Variants in USP43 observed in about 807,000 individuals in gnomAD.
The protein encoded by USP43 is ubiquitin carboxyl-terminal hydrolase 43.
A neutral mutation model predicts 90.7 loss-of-function variants in USP43; 33 were observed. The ratio of observed to expected loss-of-function variants is 0.36; its 90% CI spans 0.28 to 0.49. USP43 has a LOEUF of 0.49. Ranked by LOEUF, USP43 falls within the 20% of genes least tolerant of loss-of-function variation. The pLI is 0.98. For missense variants in USP43, 1,274 were observed against 1,476.4 expected, an observed-to-expected ratio of 0.86 and a Z score of 2.25; for synonymous variants, 598 against 615.8, an observed-to-expected ratio of 0.97 and a Z score of 0.43.
intron 10 of USP43, among the ~76,000 whole-genome samples, chr17:9,700,544 C>T (rs1915511004): frequency 1.3e-5 from 2 of 152,188 alleles, no homozygotes; most frequent in Non-Finnish European, 2.9e-5. Context: ...AGTCACTGCT[C>T]TGCACACTTC....
At chr17:9,708,936 T>G (rs896778926) in intron 12 of USP43, among the ~76,000 whole-genome samples, 1 of 152,040 alleles carries the variant, frequency 6.6e-6, no homozygotes, top group Admixed American at 6.6e-5. Flanking sequence ...CTGTTTTTTT[T>G]CCCCCGTTTA....
Position 9,701,750 on chromosome 17 carries a change from A to C in USP43, c.2011+50A>C, listed in dbSNP as rs1328831186. ...AAATGCAGCTGTGGCCACAGCCTCG[A>C]GATGTCCCTGGAATGGGTGTTGCTC... is the stretch of plus-strand genomic sequence containing the variant. On this transcript the variant is annotated intron_variant, in intron 12 of 14. Transcript: ENST00000285199. The surrounding 1 kb of genome is among the most constrained non-coding windows in gnomAD (Gnocchi z 7.2). The C allele has an allele frequency of 2.1e-6, 3 of 1,449,196 alleles. No individual in the cohort carries two copies. The Admixed American group carries it at 6.9e-5, about 34-fold the overall frequency. 89.8% of individuals were successfully genotyped at this position (1,449,196 alleles called of 1,614,324 possible). A position where few individuals can be genotyped will look rare whatever the true frequency, so the allele number is the denominator to read the frequency against.
At chr17:9,667,335 T>C (rs1262325269) in intron 3 of USP43, among the ~76,000 whole-genome samples, 2 of 152,062 alleles carry the variant, frequency 1.3e-5, no homozygotes, top group African/African-American at 2.4e-5. Flanking sequence ...TGGCGTACAG[T>C]GAGCCGTGAT....
chr17:9,647,692 G>C (rs1376195471), intron 1 of USP43: 1 of 152,060 alleles, frequency 6.6e-6, no homozygotes, highest in Non-Finnish European at 1.5e-5. Context: ...AATGGGAGAG[G>C]GCTGCAGTAG....
Position 9,693,210 on chromosome 17 carries a change from C to G in USP43, c.1437C>G (p.Leu479=). 2 of 1,613,060 alleles carry G rather than the reference C, an allele frequency of 1.2e-6. No homozygotes were observed. The highest frequency in any genetic ancestry group is 3.3e-5 in the Admixed American group (2 of 59,902). The change falls in exon 9 of 15, where the codon CTC becomes CTG. Residue 479 remains leucine (L), a synonymous_variant. Coordinates refer to ENST00000285199, the MANE Select transcript of USP43 (RefSeq NM_153210.5). ...SYLSPKDSRP[L]CHWAVDRVLH... ...TGTCTCCGAAGGACAGTCGGCCCCT[C>G]TGTCACTGGGCAGTTGACAGGTAAG...
chr17:9,700,095 G>C, intron 9 of USP43, 77 bp from the exon 10 acceptor site: 4 of 1,354,214 alleles, frequency 3.0e-6, no homozygotes, highest in Non-Finnish European at 4.1e-6. Flanking sequence ...TGGGTTGTGG[G>C]GGAGACTGCT....
At chr17:9,682,690 A>G in intron 6 of USP43, 133 bp from the exon 7 acceptor site, 2 of 1,161,776 alleles carry the variant, frequency 1.7e-6, no homozygotes, top group Non-Finnish European at 1.2e-6. Context: ...CTCCTCCCCT[A>G]AAGCCCTCTA....
intron 1 of USP43, among the ~76,000 whole-genome samples, chr17:9,648,637 T>A (rs1209196083): frequency 2.0e-5 from 3 of 151,852 alleles, no homozygotes; most frequent in South Asian, 2.1e-4. Context: ...TTTGAAGGAT[T>A]AGGTGTCAAT....
intron 1 of USP43, among the ~76,000 whole-genome samples, chr17:9,652,234 A>AAAAAAAAAAAAAAAAG (rs61023073): frequency 1.3e-5 from 2 of 149,682 alleles, no homozygotes; most frequent in African/African-American, 5.0e-5. Context: ...AAAAAAGAAA[A>AAAAAAAAAAAAAAAAG]GAAAAGAAAG....
At chr17:9,677,916 GC>G (rs1913895467) in intron 5 of USP43, among the ~76,000 whole-genome samples, 1 of 152,104 alleles carries the variant, frequency 6.6e-6, no homozygotes, top group South Asian at 2.1e-4. Flanking sequence ...GCTCCTTTCT[GC>G]CCCTGCCCAA....
At chr17:9,708,083 T>C (rs1476403164) in intron 12 of USP43, among the ~76,000 whole-genome samples, 1 of 152,072 alleles carries the variant, frequency 6.6e-6, no homozygotes, top group Non-Finnish European at 1.5e-5. Context: ...TGAATTGCAT[T>C]ATGAGCAGAG....
chr17:9,649,168 G>A (rs1013387871), intron 1 of USP43, among the ~76,000 whole-genome samples: 2 of 151,890 alleles, frequency 1.3e-5, no homozygotes, highest in African/African-American at 2.4e-5. Context: ...TTAGCCGGGC[G>A]TGGTGGCGTG....
In USP43 at chr17:9,712,143, T is replaced by G. The variant is rs771292379; in HGVS notation, c.2335+11T>G. 2.1e-5 allele frequency: 33 copies of G among 1,550,690 alleles called. No individual in the cohort carries two copies. Among genetic ancestry groups the G allele is most frequent in the Non-Finnish European group, 2.4e-5 (28 of 1,145,424 alleles). On this transcript the variant is annotated intron_variant, in intron 14 of 14. Coordinates refer to ENST00000285199, the MANE Select transcript of USP43 (RefSeq NM_153210.5). ...GCAATCAGGAAAAGGGTATGTTGGTTAAATGTGCTTGGTTGATTTTCATTT... is the reference window on the plus strand; with the variant it reads ...GCAATCAGGAAAAGGGTATGTTGGTGAAATGTGCTTGGTTGATTTTCATTT...
chr17:9,705,591 C>A, intron 12 of USP43, among the ~76,000 whole-genome samples: 1 of 151,714 alleles, frequency 6.6e-6, no homozygotes, highest in Non-Finnish European at 1.5e-5. Context: ...CCTGTCTCTA[C>A]TAAAAATACA....
rs142333771 is a variant in USP43, at chr17:9,661,241, G to T, written c.636+4707G>T. ...CTTTCCAGAAAATGCCGCTCTTGCA[G>T]AATTAAGTAGGGGATGAGGCTGGGG... On this transcript the variant is annotated intron_variant, in intron 2 of 14. Coordinates refer to ENST00000285199, the MANE Select transcript of USP43 (RefSeq NM_153210.5). Among the ~76,000 whole-genome samples the T allele has an allele frequency of 7.9e-5, 12 of 152,314 alleles. No homozygotes were observed. The East Asian group carries it at 2.3e-3, about 29-fold the overall frequency.
Position 9,686,354 on chromosome 17 carries a change from T to C in USP43, c.1242-444T>C, listed in dbSNP as rs1914599814. ...CCAGTAGTGGGATGGCTGGGTCACA[T>C]GGTGGTTCTATTTTTAGTTTTTTGA... On this transcript the variant is annotated intron_variant, in intron 7 of 14. Coordinates refer to ENST00000285199, the MANE Select transcript of USP43 (RefSeq NM_153210.5). This position sits in a 1 kb window ranked among gnomAD's most constrained non-coding sequence, Gnocchi z 5.5. 6.6e-6 allele frequency among the ~76,000 whole-genome samples: 1 copy of C among 152,206 alleles called. No homozygotes were observed.
At chr17:9,672,611 G>A (rs964205822) in intron 3 of USP43, among the ~76,000 whole-genome samples, 3 of 152,190 alleles carry the variant, frequency 2.0e-5, no homozygotes, top group Non-Finnish European at 2.9e-5. Flanking sequence ...GACAGAGGTG[G>A]AGAAGGATTG....
rs1314150491 is a variant in USP43, at chr17:9,676,730, C to T, written c.834-16C>T. The T allele has an allele frequency of 1.2e-6, 2 of 1,610,920 alleles. No individual in the cohort carries two copies. The highest frequency in any genetic ancestry group is 2.2e-5 in the South Asian group (2 of 90,536). On this transcript the variant is annotated splice_polypyrimidine_tract_variant and intron_variant, in intron 4 of 14. Coordinates refer to ENST00000285199, the MANE Select transcript of USP43 (RefSeq NM_153210.5). ...ATGTCAGTCCTTTAAGGGTGTTGCCCCTTCCTATTTTCCAGGTTCTTGAGT... is the reference window on the plus strand; with the variant it reads ...ATGTCAGTCCTTTAAGGGTGTTGCCTCTTCCTATTTTCCAGGTTCTTGAGT...
At chr17:9,693,972 T>A (rs1351426680) in intron 9 of USP43, among the ~76,000 whole-genome samples, 3 of 152,216 alleles carry the variant, frequency 2.0e-5, no homozygotes, top group African/African-American at 7.2e-5. Flanking sequence ...TGTAAGAGAT[T>A]GTGGAGTGTG....
Sources: allele counts gnomAD v4.1 joint callset (sites outside exome capture counted in the v4.1 genomes callset), GRCh38; gene constraint gnomAD v4.1.1; non-coding constraint Gnocchi (gnomAD v3.1); transcripts MANE v1.5; gene names NCBI Gene and HGNC (gene_info 2026-07-23, HGNC 2026-07-21).